The following CHL1 variants were observed in gnomAD, a reference collection of about 807,000 sequenced individuals.
CHL1 encodes neural cell adhesion molecule L1-like protein.
Under a neutral mutation model 141.9 loss-of-function variants are expected in CHL1, and 96 were observed. The observed-to-expected ratio is 0.68, with a 90% CI of 0.57 to 0.80. The LOEUF is 0.80. Among genes scored for constraint, CHL1 ranks in the 30% least tolerant of loss-of-function variants. The pLI, the probability that CHL1 is intolerant of heterozygous loss-of-function variation, is 0.00. For missense variants in CHL1, 1,820 were observed against 1,457.2 expected, an observed-to-expected ratio of 1.25 and a Z score of -4.05; for synonymous variants, 613 against 502.2, an observed-to-expected ratio of 1.22 and a Z score of -2.95.
intron 2 of CHL1, among the ~76,000 whole-genome samples, chr3:251,133 G>C (rs571173535): frequency 3.3e-5 from 5 of 152,014 alleles, no homozygotes; most frequent in African/African-American, 1.2e-4. Context: ...ACAAATGCCT[G>C]ATCAGAGTTG....
intron 11 of CHL1, 151 bp from the exon 12 acceptor site, chr3:360,133 T>C (rs1559306757): frequency 3.9e-6 from 3 of 761,420 alleles, no homozygotes; most frequent in Non-Finnish European, 6.2e-6. Context: ...ATAGTTGATG[T>C]TCAGAAAACC....
At chr3:313,716 C>A (rs1358619081) in intron 2 of CHL1, among the ~76,000 whole-genome samples, 2 of 152,110 alleles carry the variant, frequency 1.3e-5, no homozygotes, top group African/African-American at 4.8e-5. Flanking sequence ...TAGTCTTAAC[C>A]ATTTGTATGC....
At chr3:278,691 T>A (rs1696372636) in intron 2 of CHL1, among the ~76,000 whole-genome samples, 1 of 152,190 alleles carries the variant, frequency 6.6e-6, no homozygotes, top group African/African-American at 2.4e-5. Context: ...TCAAGAAGTA[T>A]AATGGTAGAC....
chr3:293,589 A>G (rs930479267), intron 2 of CHL1, among the ~76,000 whole-genome samples: 1 of 152,134 alleles, frequency 6.6e-6, no homozygotes, highest in Non-Finnish European at 1.5e-5. Flanking sequence ...CAAAAAGAAT[A>G]CATATGGAAC....
chr3:322,226 A>G (rs934424322), intron 3 of CHL1, among the ~76,000 whole-genome samples: 1 of 152,096 alleles, frequency 6.6e-6, no homozygotes, highest in Admixed American at 6.6e-5. Flanking sequence ...TATCCAGTAG[A>G]TAAACACTGA....
chr3:210,585 A>G (rs947502569), intron 1 of CHL1, among the ~76,000 whole-genome samples: 4 of 152,234 alleles, frequency 2.6e-5, no homozygotes, highest in African/African-American at 9.6e-5. Context: ...TTAAAAATCT[A>G]ACTTGGAAAC....
intron 1 of CHL1, among the ~76,000 whole-genome samples, chr3:227,981 C>G (rs1012550234): frequency 1.3e-5 from 2 of 152,176 alleles, no homozygotes; most frequent in Non-Finnish European, 2.9e-5. Flanking sequence ...ATTTGTGTAT[C>G]TCTGTGTCTG....
chr3:247,099 C>G (rs1693244202), intron 2 of CHL1: 1 of 150,982 alleles, frequency 6.6e-6, no homozygotes, highest in African/African-American at 2.4e-5. Context: ...TAAAAAAGTT[C>G]TATCCTATGA....
At chr3:287,164 C>T (rs1294594567) in intron 2 of CHL1, among the ~76,000 whole-genome samples, 2 of 151,992 alleles carry the variant, frequency 1.3e-5, no homozygotes, top group Non-Finnish European at 2.9e-5. Flanking sequence ...TTCATTTATA[C>T]TTTTCACATA....
At chr3:311,884 ATAACT>A (rs1437623350) in intron 2 of CHL1, among the ~76,000 whole-genome samples, 1 of 152,204 alleles carries the variant, frequency 6.6e-6, no homozygotes, top group African/African-American at 2.4e-5. Flanking sequence ...AACTCAGAAA[ATAACT>A]TAATGTTGGG....
intron 1 of CHL1, among the ~76,000 whole-genome samples, chr3:226,394 A>G (rs902056927): frequency 6.8e-6 from 1 of 146,390 alleles, no homozygotes; most frequent in Non-Finnish European, 1.5e-5. Context: ...ATACTTATAT[A>G]TTATATAATA....
chr3:324,940 A>T (rs1367295703), intron 3 of CHL1, among the ~76,000 whole-genome samples: 1 of 152,020 alleles, frequency 6.6e-6, no homozygotes, highest in Non-Finnish European at 1.5e-5. Context: ...CTTATCAAAC[A>T]CTAACAGAGT....
intron 1 of CHL1, among the ~76,000 whole-genome samples, chr3:237,949 C>T (rs1692153369): frequency 6.6e-6 from 1 of 152,082 alleles, no homozygotes; most frequent in Non-Finnish European, 1.5e-5. Flanking sequence ...CTTCACATTG[C>T]CTATATAAGG....
chr3:318,180 T>C (rs146332403), intron 2 of CHL1, among the ~76,000 whole-genome samples: 145 of 152,004 alleles, frequency 9.5e-4, no homozygotes, highest in African/African-American at 3.1e-3. Flanking sequence ...TTAAGACTGC[T>C]AAAACTGTGA....
chr3:389,591 C>T (rs772091050), intron 20 of CHL1, 117 bp downstream of exon 20: 11 of 745,014 alleles, frequency 1.5e-5, no homozygotes, highest in South Asian at 5.3e-5. Flanking sequence ...ATGTACTAGC[C>T]GTGGGAGATA....
chr3:272,001 T>C (rs1695674069), intron 2 of CHL1, among the ~76,000 whole-genome samples: 1 of 152,228 alleles, frequency 6.6e-6, no homozygotes, highest in Non-Finnish European at 1.5e-5. Context: ...TAAAATCATA[T>C]GGTAGACATT....
chr3:341,717 G>A (rs527821027), intron 6 of CHL1, among the ~76,000 whole-genome samples, 195 bp from the exon 7 acceptor site: 5 of 152,192 alleles, frequency 3.3e-5, no homozygotes, highest in African/African-American at 1.2e-4. Context: ...ATCCTCCCAA[G>A]GGTTTTGCTG....
At position 388,847 on chromosome 3, in the gene CHL1, C is replaced by T. The variant is rs1246770995; in HGVS notation, c.2248-405C>T. Among the ~76,000 whole-genome samples, 5 of 152,302 alleles carry T rather than the reference C, an allele frequency of 3.3e-5. No individual in the cohort carries two copies. The East Asian group carries it at 7.7e-4, about 24-fold the overall frequency. Reference sequence around the variant, plus strand: ...AGCCATGGGAGAATCCCATTCACAACCAAAGAATTCGTGGCCATATTATTT... The same window carrying T: ...AGCCATGGGAGAATCCCATTCACAATCAAAGAATTCGTGGCCATATTATTT... On this transcript the variant is annotated intron_variant, in intron 19 of 27. Coordinates refer to ENST00000256509, the MANE Select transcript of CHL1 (RefSeq NM_006614.4).
intron 1 of CHL1, among the ~76,000 whole-genome samples, chr3:208,950 T>C (rs1313493777): frequency 6.6e-6 from 1 of 152,202 alleles, no homozygotes; most frequent in Non-Finnish European, 1.5e-5. Context: ...TCTCACGTAT[T>C]GCCAAAACAA....
Sources: gnomAD v4.1 joint callset for allele counts (sites outside exome capture counted in the v4.1 genomes callset) on GRCh38, gnomAD v4.1.1 for gene constraint, MANE v1.5 for transcripts, NCBI Gene and HGNC (gene_info 2026-07-23, HGNC 2026-07-21) for gene names.